The following SHANK2 variants were observed in gnomAD, a reference collection of about 807,000 sequenced individuals.
SHANK2 encodes SH3 and multiple ankyrin repeat domains 2.
Under a neutral mutation model 133.7 loss-of-function variants are expected in SHANK2, and 43 were observed. The observed-to-expected ratio is 0.32, with a 90% CI of 0.25 to 0.41. The LOEUF (loss-of-function observed/expected upper bound fraction) is 0.41. Among genes scored for constraint, SHANK2 ranks in the 10% least tolerant of loss-of-function variants. SHANK2 has a pLI of 1.00. For synonymous variants in SHANK2, 1,017 were observed against 952.8 expected (o/e 1.07, Z -1.24); for missense variants, 1,994 against 2,235.8 (o/e 0.89, Z 2.18).
chr11:70,938,035 G>A (rs1393824912), intron 10 of SHANK2, among the ~76,000 whole-genome samples: 14 of 152,082 alleles, frequency 9.2e-5, no homozygotes, highest in Non-Finnish European at 1.6e-4. Flanking sequence ...TTTCTGGCAT[G>A]TCCTTCTCCA....
chr11:70,733,935 G>A (rs996960386), intron 14 of SHANK2, among the ~76,000 whole-genome samples: 7 of 152,200 alleles, frequency 4.6e-5, no homozygotes, highest in South Asian at 4.1e-4. Flanking sequence ...GGCCCACCTC[G>A]TGCCTGGCCA....
chr11:71,237,835 C>A (rs1191069267), intron 1 of SHANK2, among the ~76,000 whole-genome samples: 2 of 152,170 alleles, frequency 1.3e-5, no homozygotes, highest in African/African-American at 4.8e-5. Context: ...TTCTGATGAA[C>A]AAAGGTTCAT....
At chr11:71,251,480 C>A (rs1277361375) in intron 1 of SHANK2, among the ~76,000 whole-genome samples, 1 of 151,914 alleles carries the variant, frequency 6.6e-6, no homozygotes, top group Admixed American at 6.6e-5. Context: ...TGGGAGCGGT[C>A]CCCGCGCCTG....
At chr11:70,580,120 G>A (rs2060164714) in intron 17 of SHANK2, among the ~76,000 whole-genome samples, 1 of 152,200 alleles carries the variant, frequency 6.6e-6, no homozygotes, top group Non-Finnish European at 1.5e-5. Flanking sequence ...CCTCAGCCAC[G>A]GGAAGTGCAC....
At position 70,756,695 on chromosome 11, in the gene SHANK2, C is replaced by A. The variant is rs116328057; in HGVS notation, c.1777+41748G>T. ...GGAGCTGCTGAGGGCAGGGCCTCGG[C>A]TGCACACTCTGGGGCACCAGGCAGC... On this transcript the variant is annotated intron_variant, in intron 14 of 25. Coordinates refer to ENST00000601538, the MANE Select transcript of SHANK2 (RefSeq NM_012309.5). Among the ~76,000 whole-genome samples, 405 of 152,308 alleles carry A rather than the reference C, an allele frequency of 2.7e-3. 1 individual carries two copies. Among genetic ancestry groups the A allele is most frequent in the African/African-American group, 9.6e-3 (398 of 41,570 alleles).
chr11:70,497,369 T>C (rs7119196), intron 21 of SHANK2, among the ~76,000 whole-genome samples: 4,510 of 152,324 alleles, frequency 0.03, 100 homozygotes, highest in South Asian at 0.086. Flanking sequence ...TCAGGGACTC[T>C]GGATGAAGGG....
intron 14 of SHANK2, among the ~76,000 whole-genome samples, chr11:70,728,317 G>A (rs781815091): frequency 9.1e-4 from 138 of 152,262 alleles, no homozygotes; most frequent in Non-Finnish European, 8.5e-4. Context: ...TGTGAGAAGG[G>A]ACAGAGGTTT....
At chr11:71,094,118 G>A (rs1289355323) in intron 7 of SHANK2, among the ~76,000 whole-genome samples, 1 of 152,130 alleles carries the variant, frequency 6.6e-6, no homozygotes, top group African/African-American at 2.4e-5. Context: ...AACCCCCAGT[G>A]CTGGGGGTGG....
At chr11:71,128,851 C>T (rs1555103205) in intron 3 of SHANK2, among the ~76,000 whole-genome samples, 4 of 152,222 alleles carry the variant, frequency 2.6e-5, no homozygotes, top group African/African-American at 4.8e-5. Flanking sequence ...GTGGTGCAAT[C>T]TCAGCTCACT....
chr11:70,761,515 AG>A (rs1946997510), intron 14 of SHANK2, among the ~76,000 whole-genome samples: 1 of 152,220 alleles, frequency 6.6e-6, no homozygotes, highest in Non-Finnish European at 1.5e-5. Context: ...ATGATGGTGA[AG>A]GGTGTCCAGT....
At chr11:70,873,974 G>A (rs1555070703) in intron 11 of SHANK2, among the ~76,000 whole-genome samples, 2 of 152,152 alleles carry the variant, frequency 1.3e-5, no homozygotes, top group Non-Finnish European at 2.9e-5. Context: ...GCTGGGGGCA[G>A]CATCCCAATG....
chr11:71,092,662 G>A, intron 7 of SHANK2, 73 bp from the exon 8 acceptor site: 1 of 1,460,696 alleles, frequency 6.8e-7, no homozygotes, highest in Non-Finnish European at 9.3e-7. Context: ...GATCCAGAAA[G>A]CAGCACCAGG....
At chr11:71,137,000 T>A in intron 3 of SHANK2, among the ~76,000 whole-genome samples, 1 of 152,106 alleles carries the variant, frequency 6.6e-6, no homozygotes, top group Non-Finnish European at 1.5e-5. Flanking sequence ...GTAGCTGGGA[T>A]TACAGGCATG....
intron 10 of SHANK2, among the ~76,000 whole-genome samples, chr11:70,910,429 C>T (rs1331772418): frequency 1.3e-5 from 2 of 152,192 alleles, no homozygotes; most frequent in African/African-American, 4.8e-5. Flanking sequence ...TCGATTGTCA[C>T]AGATGGACAC....
intron 17 of SHANK2, among the ~76,000 whole-genome samples, chr11:70,632,417 T>C (rs932166904): frequency 1.3e-5 from 2 of 152,086 alleles, no homozygotes; most frequent in Non-Finnish European, 2.9e-5. Context: ...CTATCCACGC[T>C]CCCTGCTCCT....
Position 70,774,783 on chromosome 11 carries a change from A to C in SHANK2, c.1777+23660T>G, listed in dbSNP as rs868940145. Reference sequence around the variant, plus strand: ...TGAAATTATATATCAATTTAAGAAAAGAAAAAAAGGTTGGTGTCCTGTGTG... The same window carrying C: ...TGAAATTATATATCAATTTAAGAAACGAAAAAAAGGTTGGTGTCCTGTGTG... On this transcript the variant is annotated intron_variant, in intron 14 of 25. Transcript: ENST00000601538. Among the ~76,000 whole-genome samples the C allele has an allele frequency of 2.8e-4, 43 of 152,366 alleles. No individual in the cohort carries two copies. In the Middle Eastern group the frequency reaches 0.017, roughly 60 times the overall value.
At chr11:70,776,820 C>A (rs1947374639) in intron 14 of SHANK2, among the ~76,000 whole-genome samples, 1 of 150,290 alleles carries the variant, frequency 6.7e-6, no homozygotes, top group African/African-American at 2.5e-5. Flanking sequence ...CTGTCCATCC[C>A]TTAACCACTC....
At chr11:70,890,321 T>A (rs961688906) in intron 11 of SHANK2, among the ~76,000 whole-genome samples, 1 of 151,718 alleles carries the variant, frequency 6.6e-6, no homozygotes, top group Non-Finnish European at 1.5e-5. Flanking sequence ...CTGGCCAATA[T>A]GGTGAAACCC....
At chr11:70,639,520 C>T (rs1555005556) in intron 17 of SHANK2, among the ~76,000 whole-genome samples, 1 of 152,110 alleles carries the variant, frequency 6.6e-6, no homozygotes, top group Non-Finnish European at 1.5e-5. Flanking sequence ...CCTTCTAAAA[C>T]ACCATCACAC....
Sources: gnomAD v4.1 joint callset for allele counts (sites outside exome capture counted in the v4.1 genomes callset) on GRCh38, gnomAD v4.1.1 for gene constraint, MANE v1.5 for transcripts, NCBI Gene and HGNC (gene_info 2026-07-23, HGNC 2026-07-21) for gene names.